The following DLG2 variants were observed in gnomAD, a reference collection of about 807,000 sequenced individuals.
DLG2 encodes disks large homolog 2.
Under a neutral mutation model 132.5 loss-of-function variants are expected in DLG2, and 45 were observed. That is an observed-to-expected ratio of 0.34 (90% confidence interval 0.27 to 0.44). The LOEUF is 0.44. Among genes scored for constraint, DLG2 ranks in the 20% least tolerant of loss-of-function variants. The pLI, the probability that DLG2 is intolerant of heterozygous loss-of-function variation, is 1.00. For missense variants in DLG2, 1,045 were observed against 1,196.9 expected (o/e 0.87, Z 1.87); for synonymous variants, 424 against 419.6 (o/e 1.01, Z -0.13).
At chr11:84,985,598 A>C (rs1426450953) in intron 6 of DLG2, among the ~76,000 whole-genome samples, 2 of 152,130 alleles carry the variant, frequency 1.3e-5, no homozygotes. Flanking sequence ...ACCAAACACA[A>C]ACCCAGCAGA....
intron 3 of DLG2, among the ~76,000 whole-genome samples, chr11:85,500,490 A>G (rs2153126249): frequency 7.0e-6 from 1 of 143,322 alleles, no homozygotes. Context: ...ATGTATACAT[A>G]TGTAACTAAC....
intron 6 of DLG2, among the ~76,000 whole-genome samples, chr11:85,051,068 C>CA (rs1480807852): frequency 1.3e-5 from 2 of 152,136 alleles, no homozygotes; most frequent in Non-Finnish European, 2.9e-5. Flanking sequence ...GAAGCATTGT[C>CA]ATGCTTCTTA....
intron 11 of DLG2, among the ~76,000 whole-genome samples, chr11:84,052,777 C>A (rs1453551169): frequency 6.6e-6 from 1 of 150,422 alleles, no homozygotes; most frequent in Non-Finnish European, 1.5e-5. Context: ...ATGAGTTTAA[C>A]CATTGTGGAA....
chr11:84,322,210 CAATA>C (rs1180728599), intron 7 of DLG2, among the ~76,000 whole-genome samples: 3 of 152,146 alleles, frequency 2.0e-5, no homozygotes, highest in Non-Finnish European at 2.9e-5. Flanking sequence ...AGTGTAAAAT[CAATA>C]AATAAGCATT....
At chr11:85,128,463 T>C (rs532345187) in intron 5 of DLG2, among the ~76,000 whole-genome samples, 5 of 152,254 alleles carry the variant, frequency 3.3e-5, no homozygotes, top group South Asian at 2.1e-4. Context: ...GGTCAGAAAG[T>C]AGAGATTTAC....
chr11:84,482,581 A>G (rs1273050582), intron 7 of DLG2, among the ~76,000 whole-genome samples: 1 of 152,228 alleles, frequency 6.6e-6, no homozygotes, highest in Non-Finnish European at 1.5e-5. Flanking sequence ...GTTACACAAG[A>G]TCATTAATGA....
At position 83,837,123 on chromosome 11, in the gene DLG2, T is replaced by A. The variant is rs765867738; in HGVS notation, c.1566-3353A>T. Among the ~76,000 whole-genome samples, 41 of 152,124 alleles carry A rather than the reference T, an allele frequency of 2.7e-4. 1 individual carries two copies. The highest frequency in any genetic ancestry group is 3.2e-4 in the Non-Finnish European group (22 of 68,022). ...TCCTCACAGGGCCCTGCTGATACTA[T>A]CCTGGCAGGCAGAGTGGTTTTCCAA... On this transcript the variant is annotated intron_variant, in intron 16 of 27. Coordinates refer to ENST00000376104, the MANE Select transcript of DLG2 (RefSeq NM_001142699.3).
chr11:84,175,130 A>C (rs2095924138), intron 8 of DLG2, among the ~76,000 whole-genome samples: 1 of 152,184 alleles, frequency 6.6e-6, no homozygotes, highest in Non-Finnish European at 1.5e-5. Flanking sequence ...TGGAGAAAGA[A>C]ATGGAAATAT....
chr11:85,626,880 CTG>C (rs2082059757), intron 1 of DLG2, 127 bp from the exon 2 acceptor site: 1 of 152,158 alleles, frequency 6.6e-6, no homozygotes, highest in Non-Finnish European at 1.5e-5. Context: ...AATATTTAGA[CTG>C]TTTTTACAAA....
At chr11:84,616,029 C>G (rs1415503519) in intron 6 of DLG2, among the ~76,000 whole-genome samples, 4 of 151,792 alleles carry the variant, frequency 2.6e-5, no homozygotes, top group Admixed American at 2.6e-4. Context: ...AAAGGAATAT[C>G]TTATTACAAA....
chr11:85,580,889 G>A (rs1403351187), intron 3 of DLG2, among the ~76,000 whole-genome samples: 6 of 152,176 alleles, frequency 3.9e-5, no homozygotes, highest in Non-Finnish European at 8.8e-5. Flanking sequence ...AACCTGCCAT[G>A]GTTCTTCTCC....
chr11:83,868,889 G>C (rs145155716), intron 16 of DLG2, among the ~76,000 whole-genome samples: 1 of 152,184 alleles, frequency 6.6e-6, no homozygotes, highest in Non-Finnish European at 1.5e-5. Flanking sequence ...CTGAGGTACA[G>C]ATGGATCTCT....
At chr11:85,467,320 G>A (rs1249763462) in intron 3 of DLG2, among the ~76,000 whole-genome samples, 1 of 152,086 alleles carries the variant, frequency 6.6e-6, no homozygotes, top group Non-Finnish European at 1.5e-5. Context: ...CTGCCTGATT[G>A]CCCTGGCCAG....
chr11:85,605,310 T>G (rs139107246), intron 2 of DLG2, among the ~76,000 whole-genome samples: 64 of 151,932 alleles, frequency 4.2e-4, no homozygotes, highest in African/African-American at 1.5e-3. Flanking sequence ...CCACCCTTAA[T>G]CCTCCAGAAA....
chr11:84,764,808 G>A (rs560332121), intron 6 of DLG2, among the ~76,000 whole-genome samples: 1 of 152,094 alleles, frequency 6.6e-6, no homozygotes, highest in South Asian at 2.1e-4. Context: ...GGGAGTAACG[G>A]GTAGCAAAGG....
intron 6 of DLG2, among the ~76,000 whole-genome samples, chr11:85,008,089 G>A (rs368556932): frequency 5.9e-4 from 90 of 152,198 alleles, no homozygotes; most frequent in African/African-American, 1.9e-3. Flanking sequence ...CAGAGAACAC[G>A]AAAACTATTA....
At chr11:83,708,793 G>A (rs974772411) in intron 18 of DLG2, among the ~76,000 whole-genome samples, 3 of 152,070 alleles carry the variant, frequency 2.0e-5, no homozygotes, top group African/African-American at 7.2e-5. Context: ...CAGATACTAA[G>A]GAAGAAACTG....
At chr11:85,199,150 C>T (rs967174839) in intron 4 of DLG2, among the ~76,000 whole-genome samples, 5 of 152,158 alleles carry the variant, frequency 3.3e-5, no homozygotes, top group Non-Finnish European at 1.5e-5. Flanking sequence ...TAGCCAAAAT[C>T]AGTGAATAAC....
chr11:85,165,657 G>C lies in DLG2; in HGVS notation c.187-11006C>G, dbSNP rs574854421. 5.9e-5 allele frequency among the ~76,000 whole-genome samples: 9 copies of C among 152,256 alleles called. 1 individual carries two copies. Among genetic ancestry groups the C allele is most frequent in the African/African-American group, 2.2e-4 (9 of 41,556 alleles). On this transcript the variant is annotated intron_variant, in intron 4 of 27. Coordinates refer to ENST00000376104, the MANE Select transcript of DLG2 (RefSeq NM_001142699.3). ...CACCTTTCTACTTCATAGATGGAAT[G>C]CTTCCTGATTTCAACAAATTTAATT...
Sources: gnomAD v4.1 joint callset for allele counts (sites outside exome capture counted in the v4.1 genomes callset) on GRCh38, gnomAD v4.1.1 for gene constraint, MANE v1.5 for transcripts, NCBI Gene and HGNC (gene_info 2026-07-23, HGNC 2026-07-21) for gene names.